The following METTL24 variants were observed in gnomAD, a reference collection of about 807,000 sequenced individuals.
METTL24 encodes the protein probable methyltransferase-like protein 24.
METTL24 carries 29 observed loss-of-function variants against 32.7 expected under a neutral mutation model. The observed-to-expected ratio is 0.89, with a 90% CI of 0.66 to 1.21. METTL24 has a LOEUF of 1.21. METTL24 is among the 50% of genes most tolerant of loss of function. The probability of loss-of-function intolerance (pLI) is 0.00; values close to 1 mark genes in which losing one functional copy is unlikely to be tolerated. For missense variants in METTL24, 439 were observed against 468.1 expected (o/e 0.94, Z 0.57); for synonymous variants, 163 against 179.5 (o/e 0.91, Z 0.73).
intron 3 of METTL24, among the ~76,000 whole-genome samples, chr6:110,313,094 CT>C (rs1408085673): frequency 8.5e-5 from 13 of 152,234 alleles, no homozygotes. Context: ...GTGAATTGGC[CT>C]TATGTTCCCT....
intron 4 of METTL24, among the ~76,000 whole-genome samples, chr6:110,263,893 G>T (rs1770802987): frequency 6.6e-6 from 1 of 152,170 alleles, no homozygotes; most frequent in Non-Finnish European, 1.5e-5. Context: ...TTTAATAAAT[G>T]GTGCTGGGAA....
At chr6:110,278,703 G>T (rs1264717790) in intron 4 of METTL24, among the ~76,000 whole-genome samples, 2 of 152,130 alleles carry the variant, frequency 1.3e-5, no homozygotes, top group South Asian at 2.1e-4. Context: ...TAAGAGAACA[G>T]ATTCATATAG....
chr6:110,333,553 A>G (rs1423052056), intron 1 of METTL24, among the ~76,000 whole-genome samples: 1 of 152,102 alleles, frequency 6.6e-6, no homozygotes, highest in Non-Finnish European at 1.5e-5. Context: ...TCCCAGATTC[A>G]AGTGATTTCT....
chr6:110,246,018 T>G lies in METTL24; in HGVS notation c.1029A>C (p.Leu343=), dbSNP rs773602790. ...CATTGAAAATGTCTTTCTTCAAGAA[T>G]AGCTGAGGTTTAGATAAGTCTTTGT... is the stretch of plus-strand genomic sequence containing the variant. ...HSYKDLSKPQ[L]FLKKDIFNAS... The change falls in exon 5 of 5, where the codon CTA becomes CTC. Residue 343 remains leucine (L), a synonymous_variant. Coordinates refer to ENST00000338882, the MANE Select transcript of METTL24 (RefSeq NM_001123364.3). The G allele has an allele frequency of 6.2e-7, 1 of 1,614,060 alleles. No homozygotes were observed. The highest frequency in any genetic ancestry group is 1.3e-5 in the African/African-American group (1 of 74,928).
chr6:110,356,543 G>C (rs1772703681), intron 1 of METTL24, among the ~76,000 whole-genome samples: 1 of 152,188 alleles, frequency 6.6e-6, no homozygotes, highest in African/African-American at 2.4e-5. Flanking sequence ...AGCCTTTCTT[G>C]ACTCCCCAGG....
At chr6:110,304,502 C>T (rs1210878497) in intron 3 of METTL24, among the ~76,000 whole-genome samples, 1 of 152,102 alleles carries the variant, frequency 6.6e-6, no homozygotes, top group East Asian at 1.9e-4. Context: ...AAAAACACAG[C>T]ACGAGAACTT....
At chr6:110,354,084 G>T (rs1046001501) in intron 1 of METTL24, among the ~76,000 whole-genome samples, 1 of 152,164 alleles carries the variant, frequency 6.6e-6, no homozygotes, top group African/African-American at 2.4e-5. Flanking sequence ...TAATACACAA[G>T]AATATATAGG....
chr6:110,262,476 T>C (rs564665163), intron 4 of METTL24, among the ~76,000 whole-genome samples: 2 of 152,276 alleles, frequency 1.3e-5, no homozygotes, highest in East Asian at 3.9e-4. Flanking sequence ...CAATAATTAA[T>C]AGCTTACCAA....
At chr6:110,310,036 C>T (rs1420754879) in intron 3 of METTL24, among the ~76,000 whole-genome samples, 2 of 152,082 alleles carry the variant, frequency 1.3e-5, no homozygotes, top group African/African-American at 4.8e-5. Context: ...AGCTTGAGGT[C>T]CATGGTTTTC....
At chr6:110,298,164 G>C (rs1392379583) in intron 4 of METTL24, among the ~76,000 whole-genome samples, 2 of 152,150 alleles carry the variant, frequency 1.3e-5, no homozygotes, top group Non-Finnish European at 2.9e-5. Context: ...GGCATCTCTG[G>C]CTGGGAACAC....
intron 4 of METTL24, among the ~76,000 whole-genome samples, chr6:110,297,128 TA>T (rs1247808623): frequency 6.6e-6 from 1 of 152,218 alleles, no homozygotes; most frequent in Non-Finnish European, 1.5e-5. Flanking sequence ...TCATTGTAAA[TA>T]TTTTTTTAAA....
In METTL24 at chr6:110,351,978, G is replaced by C. The variant is rs535440922; in HGVS notation, c.318+5977C>G. Among the ~76,000 whole-genome samples, 12 of 152,248 alleles carry C rather than the reference G, an allele frequency of 7.9e-5. No individual in the cohort carries two copies. In the South Asian group the frequency reaches 2.3e-3, roughly 29 times the overall value. ...AAAAATTTAATTGTTAATTATTATA[G>C]GCACATACAGTTGTTTATTCTTTAA... On this transcript the variant is annotated intron_variant, in intron 1 of 4. Coordinates refer to ENST00000338882, the MANE Select transcript of METTL24 (RefSeq NM_001123364.3).
Position 110,297,132 on chromosome 6 carries a change from T to G in METTL24, c.786+1790A>C, listed in dbSNP as rs189190833. ...CCAGATCACTTTCATTGTAAATATT[T>G]TTTTAAAAAATAAGTAACCTTAGAA... On this transcript the variant is annotated intron_variant, in intron 4 of 4. Coordinates refer to ENST00000338882, the MANE Select transcript of METTL24 (RefSeq NM_001123364.3). Among the ~76,000 whole-genome samples the G allele has an allele frequency of 3.3e-5, 5 of 152,334 alleles. No homozygotes were observed. The East Asian group carries it at 9.6e-4, about 29-fold the overall frequency.
intron 4 of METTL24, among the ~76,000 whole-genome samples, chr6:110,264,473 C>G (rs1770815597): frequency 6.6e-6 from 1 of 152,258 alleles, no homozygotes; most frequent in South Asian, 2.1e-4. Context: ...CAGGAAACAA[C>G]AGGTGCTAGA....
chr6:110,346,940 G>A (rs1293541497), intron 1 of METTL24, among the ~76,000 whole-genome samples: 1 of 151,690 alleles, frequency 6.6e-6, no homozygotes, highest in African/African-American at 2.4e-5. Flanking sequence ...TGACTTTTCA[G>A]GTTTCCTCTT....
intron 1 of METTL24, among the ~76,000 whole-genome samples, chr6:110,335,315 T>C (rs568023569): frequency 6.6e-6 from 1 of 152,218 alleles, no homozygotes; most frequent in Admixed American, 6.5e-5. Context: ...CCCAGGACCC[T>C]CTCCCCATTT....
At chr6:110,278,234 C>T (rs935539299) in intron 4 of METTL24, among the ~76,000 whole-genome samples, 6 of 152,188 alleles carry the variant, frequency 3.9e-5, no homozygotes, top group African/African-American at 1.4e-4. Context: ...AATGCTACCT[C>T]TCCTGCAGGT....
chr6:110,358,027 C>T lies in METTL24; in HGVS notation c.246G>A (p.Ala82=), dbSNP rs1772733918. The T allele has an allele frequency of 7.0e-6, 8 of 1,135,900 alleles. No homozygotes were observed. The South Asian group carries it at 3.0e-4, about 42-fold the overall frequency. 70.4% of individuals were successfully genotyped at this position (1,135,900 alleles called of 1,614,324 possible). The change falls in exon 1 of 5, where the codon GCG becomes GCA. Residue 82 remains alanine (A), a synonymous_variant. Transcript: ENST00000338882. ...QVTYVRSGRR[A]PPGGGGSGTP... is the part of the protein sequence containing the mutation. Reference sequence around the variant, plus strand: ...TCCCGCTCCCGCCGCCCCCCGGCGGCGCCCGGCGACCGCTGCGCACGTAGG... The same window carrying T: ...TCCCGCTCCCGCCGCCCCCCGGCGGTGCCCGGCGACCGCTGCGCACGTAGG...
At chr6:110,254,638 TAAAATA>T (rs2114693868) in intron 4 of METTL24, among the ~76,000 whole-genome samples, 1 of 152,096 alleles carries the variant, frequency 6.6e-6, no homozygotes, top group African/African-American at 2.4e-5. Flanking sequence ...TCAAAAGAAA[TAAAATA>T]AATACATAAA....
Sources: gnomAD v4.1 joint callset for allele counts (sites outside exome capture counted in the v4.1 genomes callset) on GRCh38, gnomAD v4.1.1 for gene constraint, MANE v1.5 for transcripts, NCBI Gene and HGNC (gene_info 2026-07-23, HGNC 2026-07-21) for gene names.